UBAP2L: variants seen among roughly 807,000 people sequenced by gnomAD.
UBAP2L encodes ubiquitin-associated protein 2-like.
In UBAP2L, 12 loss-of-function variants were observed where a neutral mutation model predicts 130.6. The ratio of observed to expected loss-of-function variants is 0.09; its 90% confidence interval spans 0.06 to 0.15. UBAP2L has a LOEUF of 0.15. Ranked by LOEUF, UBAP2L falls within the 10% of genes least tolerant of loss-of-function variation. The probability of loss-of-function intolerance (pLI) is 1.00; values close to 1 mark genes in which losing one functional copy is unlikely to be tolerated. For synonymous variants in UBAP2L, 503 were observed against 524.7 expected (o/e 0.96, Z 0.57); for missense variants, 965 against 1,332.5 (o/e 0.72, Z 4.29).
At position 154,270,251 on chromosome 1, in the gene UBAP2L, A is replaced by T. The variant is rs1244447172; in HGVS notation, c.3220A>T (p.Thr1074Ser). 2 of 1,613,720 alleles carry T rather than the reference A, an allele frequency of 1.2e-6. No homozygotes were observed. Among genetic ancestry groups the T allele is most frequent in the Non-Finnish European group, 1.7e-6 (2 of 1,179,838 alleles). ...CAGCTCCATCCCGCAGAAGCCCCAG[A>T]CCAACAAGTCTGCCTACAACAGCTA... ...QTSSIPQKPQ[T>S]NKSAYNSYSW... Residue 1074 changes from threonine (T) to serine (S), a missense_variant, in exon 27 of 27, where the codon ACC becomes TCC. Transcript: ENST00000428931.
intron 1 of UBAP2L, 194 bp downstream of exon 1, chr1:154,221,169 C>T (rs866526783): frequency 6.6e-6 from 1 of 151,886 alleles, no homozygotes. Context: ...TACACCCCCC[C>T]CCGAGTCATG....
In UBAP2L at chr1:154,259,981, A is replaced by G. The variant is rs370915789; in HGVS notation, c.2530A>G (p.Thr844Ala). 17 of 1,613,482 alleles carry G rather than the reference A, an allele frequency of 1.1e-5. No homozygotes were observed. Among genetic ancestry groups the G allele is most frequent in the African/African-American group, 1.3e-5 (1 of 74,630 alleles). The change falls in exon 22 of 27, where the codon ACT becomes GCT. Residue 844 changes from threonine (T) to alanine (A), a missense_variant. Physicochemically the swap from Thr to Ala is moderately conservative, Grantham distance 58 (BLOSUM62 0). Transcript: ENST00000428931. ...CAGCATCCCATTTCCCACACCCACT[A>G]CTCCGCTGACTGGGAGGGATGGTAG... ...YYSIPFPTPT[T>A]PLTGRDGSLA... is the part of the protein sequence containing the mutation.
At chr1:154,270,863 T>G, downstream of UBAP2L, 1 of 1,513,782 alleles carries the variant, frequency 6.6e-7, no homozygotes, top group South Asian at 1.2e-5. Flanking sequence ...AGCCTCTGCC[T>G]ATTCTTGCTC....
intron 11 of UBAP2L, among the ~76,000 whole-genome samples, chr1:154,246,727 T>A (rs1160552562): frequency 6.6e-6 from 1 of 152,222 alleles, no homozygotes; most frequent in East Asian, 1.9e-4. Context: ...GATGGGAGAT[T>A]GTAGCAGTTC....
At chr1:154,220,249 G>A, upstream of UBAP2L, 6 of 1,451,822 alleles carry the variant, frequency 4.1e-6, no homozygotes, top group Admixed American at 1.0e-4. Context: ...GCGCAGGTGA[G>A]TGGGTGGAGA....
chr1:154,226,571 A>G (rs1469546825), intron 2 of UBAP2L, among the ~76,000 whole-genome samples: 1 of 152,226 alleles, frequency 6.6e-6, no homozygotes, highest in Non-Finnish European at 1.5e-5. Flanking sequence ...TACACTGGAT[A>G]TATAGAAGAT....
At chr1:154,222,432 A>T (rs1666561912) in intron 1 of UBAP2L, among the ~76,000 whole-genome samples, 1 of 152,274 alleles carries the variant, frequency 6.6e-6, no homozygotes, top group African/African-American at 2.4e-5. Context: ...GTCCTTAAAG[A>T]TTAGACTATC....
intron 25 of UBAP2L, among the ~76,000 whole-genome samples, chr1:154,267,647 GTTTTGTA>G (rs1683677842): frequency 6.6e-6 from 1 of 151,246 alleles, no homozygotes; most frequent in Non-Finnish European, 1.5e-5. Context: ...TTTTTTGTTT[GTTTTGTA>G]TTTTGTATTT....
At chr1:154,267,474 A>G (rs1683620366) in intron 25 of UBAP2L, among the ~76,000 whole-genome samples, 1 of 148,382 alleles carries the variant, frequency 6.7e-6, no homozygotes. Flanking sequence ...TTTGTAAGGA[A>G]TATTGGAAGG....
At chr1:154,270,958 T>C (rs1164439731), downstream of UBAP2L, 1 of 1,545,942 alleles carries the variant, frequency 6.5e-7, no homozygotes, top group South Asian at 1.2e-5. Context: ...AGCAGGCCCC[T>C]GAAGGCAGTG....
At chr1:154,223,605 C>T (rs1449018078) in intron 1 of UBAP2L, among the ~76,000 whole-genome samples, 1 of 151,878 alleles carries the variant, frequency 6.6e-6, no homozygotes, top group East Asian at 1.9e-4. Flanking sequence ...TCCTTTCTAG[C>T]TTGAAATACT....
rs188620669 is a variant in UBAP2L at position 154,241,114 on chromosome 1, G to A, written c.704-399G>A. Reference sequence around the variant, plus strand: ...TTTTGTTTTTGTTTGTTTTGAGACAGTTTCACTCTTGTTGCCCAGGCTGGA... The same window carrying A: ...TTTTGTTTTTGTTTGTTTTGAGACAATTTCACTCTTGTTGCCCAGGCTGGA... On this transcript the variant is annotated intron_variant, in intron 8 of 26. Coordinates refer to ENST00000428931, the MANE Select transcript of UBAP2L (RefSeq NM_014847.4). 7.2e-5 allele frequency among the ~76,000 whole-genome samples: 11 copies of A among 152,006 alleles called. No individual in the cohort carries two copies. The East Asian group carries it at 2.1e-3, about 29-fold the overall frequency.
At chr1:154,235,081 A>G (rs1671166904) in intron 5 of UBAP2L, 115 bp from the exon 6 acceptor site, 2 of 671,490 alleles carry the variant, frequency 3.0e-6, no homozygotes, top group Non-Finnish European at 5.4e-6. Flanking sequence ...TTAATTCCCA[A>G]TACCATATTA....
At chr1:154,258,680 TAG>T (rs910243232) in intron 20 of UBAP2L, 14 of 246,214 alleles carry the variant, frequency 5.7e-5, no homozygotes, top group African/African-American at 3.0e-4. Context: ...ACTTGTAGAA[TAG>T]AGAGTAAAAC....
intron 8 of UBAP2L, among the ~76,000 whole-genome samples, chr1:154,240,663 A>G (rs1050146197): frequency 2.6e-5 from 4 of 152,148 alleles, no homozygotes; most frequent in African/African-American, 9.7e-5. Flanking sequence ...TTCTCATAGC[A>G]GATAGTTTTC....
chr1:154,234,039 T>TCCC (rs1670807211), intron 4 of UBAP2L, among the ~76,000 whole-genome samples: 1 of 151,974 alleles, frequency 6.6e-6, no homozygotes, highest in Non-Finnish European at 1.5e-5. Flanking sequence ...AAAAAAGACT[T>TCCC]TATGGCTGGG....
chr1:154,223,842 A>T (rs1667112006), intron 1 of UBAP2L, among the ~76,000 whole-genome samples: 1 of 152,204 alleles, frequency 6.6e-6, no homozygotes. Flanking sequence ...TTTCTTTAGA[A>T]GTCCTTCCTC....
intron 24 of UBAP2L, among the ~76,000 whole-genome samples, chr1:154,261,908 G>C (rs1046620630): frequency 6.6e-6 from 1 of 152,188 alleles, no homozygotes; most frequent in Admixed American, 6.5e-5. Context: ...TATTTGTGAC[G>C]GGAATGCCCA....
chr1:154,246,953 A>G (rs1675729460), intron 11 of UBAP2L, among the ~76,000 whole-genome samples: 1 of 152,168 alleles, frequency 6.6e-6, no homozygotes, highest in Non-Finnish European at 1.5e-5. Context: ...ATAACTTAGA[A>G]CTTATGACAT....
Sources: gnomAD v4.1 joint callset for allele counts (sites outside exome capture counted in the v4.1 genomes callset) on GRCh38, gnomAD v4.1.1 for gene constraint, MANE v1.5 for transcripts, NCBI Gene and HGNC (gene_info 2026-07-23, HGNC 2026-07-21) for gene names.